DOK7: variants seen among roughly 807,000 people sequenced by gnomAD.
The protein encoded by DOK7 is protein Dok-7.
A neutral mutation model predicts 30.7 loss-of-function variants in DOK7; 32 were observed. The ratio of observed to expected loss-of-function variants is 1.04; its 90% CI spans 0.79 to 1.40. DOK7 has a LOEUF of 1.40. Among genes scored for constraint, DOK7 ranks in the 40% most tolerant of loss-of-function variants. The pLI is 0.00. For synonymous variants in DOK7, 447 were observed against 324.1 expected (o/e 1.38, Z -4.07); for missense variants, 1,007 against 699.2 (o/e 1.44, Z -4.97).
intron 5 of DOK7, among the ~76,000 whole-genome samples, chr4:3,488,013 T>C (rs1160879631): frequency 6.6e-6 from 1 of 152,232 alleles, no homozygotes; most frequent in Non-Finnish European, 1.5e-5. Flanking sequence ...GTGGGCTCCA[T>C]GGCCACCAGC....
At chr4:3,495,330 A>T (rs1728847489), downstream of DOK7, among the ~76,000 whole-genome samples, 1 of 152,150 alleles carries the variant, frequency 6.6e-6, no homozygotes. Flanking sequence ...GCTAGTCTTC[A>T]TCATCCACGC....
At position 3,476,561 on chromosome 4, in the gene DOK7, G is replaced by C. The variant is rs763846570; in HGVS notation, c.532+19G>C. 6.2e-7 allele frequency: 1 copy of C among 1,613,570 alleles called. No homozygotes were observed. The highest frequency in any genetic ancestry group is 2.2e-5 in the East Asian group (1 of 44,872). ...GGGTACTGTAAGTACGGATGTGTGG[G>C]GTCACTGGGCAGCAGCAGCACCCCC... On this transcript the variant is annotated intron_variant, in intron 4 of 6. Transcript: ENST00000340083.
At position 3,492,804 on chromosome 4, in the gene DOK7, T is replaced by C. The variant is rs1345687355; in HGVS notation, c.818T>C (p.Leu273Ser). ...AGCTCATCCTCAGAGGCCAGTCACTTGGACGTCAGCGCCAGCAGCCGGCTC... is the reference window on the plus strand; with the variant it reads ...AGCTCATCCTCAGAGGCCAGTCACTCGGACGTCAGCGCCAGCAGCCGGCTC... ...LSSSSSEASH[L>S]DVSASSRLTA... The change falls in exon 7 of 7, where the codon TTG becomes TCG. Residue 273 changes from leucine to serine, a missense_variant. Physicochemically the swap from Leu to Ser is moderately radical, Grantham distance 145. Coordinates refer to ENST00000340083, the MANE Select transcript of DOK7 (RefSeq NM_173660.5). The C allele has an allele frequency of 1.2e-6, 2 of 1,612,764 alleles. No individual in the cohort carries two copies.
At chr4:3,466,923 G>C (rs1454167995) in intron 2 of DOK7, among the ~76,000 whole-genome samples, 1 of 152,208 alleles carries the variant, frequency 6.6e-6, no homozygotes, top group African/African-American at 2.4e-5. Flanking sequence ...GAATGGGTCC[G>C]GGGCTAGGCA....
At chr4:3,468,878 C>G (rs867717269) in intron 2 of DOK7, among the ~76,000 whole-genome samples, 1 of 125,666 alleles carries the variant, frequency 8.0e-6, no homozygotes, top group African/African-American at 3.3e-5. Flanking sequence ...TGCCTGTGTA[C>G]GAGTGTGCCT....
Position 3,467,662 on chromosome 4 carries a change from G to T in DOK7, c.100+4111G>T, listed in dbSNP as rs868773008. On this transcript the variant is annotated intron_variant, in intron 2 of 6. Coordinates refer to ENST00000340083, the MANE Select transcript of DOK7 (RefSeq NM_173660.5). ...AGCATTTGGGTGAGTGTGTAAGAGT[G>T]AATGTGTGAGTGTGGGCTTGTGTGG... Among the ~76,000 whole-genome samples, 3 of 152,200 alleles carry T rather than the reference G, an allele frequency of 2.0e-5. No individual in the cohort carries two copies. The East Asian group carries it at 5.8e-4, about 29-fold the overall frequency.
chr4:3,479,222 C>T (rs1011429546), intron 4 of DOK7, among the ~76,000 whole-genome samples: 4 of 152,318 alleles, frequency 2.6e-5, no homozygotes, highest in East Asian at 1.9e-4. Flanking sequence ...CCAGTCCCTG[C>T]GCCTGCTGGC....
In DOK7 at chr4:3,463,345, C is replaced by A. The variant is rs572342022; in HGVS notation, c.-31C>A. The A allele has an allele frequency of 1.2e-4, 179 of 1,444,720 alleles. No homozygotes were observed. In the African/African-American group the frequency reaches 2.2e-3, roughly 18 times the overall value. The allele number at this position is 1,444,720 out of a possible 1,614,324, so 89.5% of individuals were successfully genotyped here. Reference sequence around the variant, plus strand: ...GTGACCCTGGGCTGGGGCGCCGGGGCGAGCGCGGCGGCGCGGAACCATGAC... The same window carrying A: ...GTGACCCTGGGCTGGGGCGCCGGGGAGAGCGCGGCGGCGCGGAACCATGAC... On this transcript the variant is annotated 5_prime_UTR_variant, in exon 1 of 7. Coordinates refer to ENST00000340083, the MANE Select transcript of DOK7 (RefSeq NM_173660.5).
In DOK7 at chr4:3,473,396, C is replaced by G; in HGVS notation, c.101-10C>G. The G allele has an allele frequency of 1.9e-6, 3 of 1,610,550 alleles. No individual in the cohort carries two copies. Among genetic ancestry groups the G allele is most frequent in the Non-Finnish European group, 2.5e-6 (3 of 1,179,702 alleles). On this transcript the variant is annotated splice_polypyrimidine_tract_variant and intron_variant, in intron 2 of 6. Transcript: ENST00000340083. ...TTGGCTGGCGTCCCTGACGGCCACG[C>G]TCCTTGCAGACTGCCTGCTGATGCT...
Position 3,493,314 on chromosome 4 carries a change from C to T in DOK7, c.1328C>T (p.Pro443Leu), listed in dbSNP as rs1728659258. Residue 443 changes from proline (P) to leucine (L), a missense_variant, in exon 7 of 7, where the codon CCC becomes CTC. Physicochemically the swap from Pro to Leu is moderately conservative, Grantham distance 98. Coordinates refer to ENST00000340083, the MANE Select transcript of DOK7 (RefSeq NM_173660.5). ...GGCGGCCAGACGTCCGCCGGGTGTC[C>T]CTCTGGCTGGCTGGGCACGAGACGG... ...DSGGQTSAGC[P>L]SGWLGTRRRG... The T allele has an allele frequency of 1.9e-6, 3 of 1,604,860 alleles. No homozygotes were observed. Among genetic ancestry groups the T allele is most frequent in the Admixed American group, 3.4e-5 (2 of 59,204 alleles).
At chr4:3,489,826 G>T in intron 6 of DOK7, 30 bp downstream of exon 6, 1 of 1,561,146 alleles carries the variant, frequency 6.4e-7, no homozygotes, top group Non-Finnish European at 8.7e-7. Context: ...TGGGCTGTGG[G>T]ACCTCGGCTA....
At chr4:3,496,214 G>A (rs1728902603), downstream of DOK7, among the ~76,000 whole-genome samples, 1 of 152,250 alleles carries the variant, frequency 6.6e-6, no homozygotes, top group African/African-American at 2.4e-5. Context: ...CCAGGGACTT[G>A]GGGCACCCCG....
chr4:3,473,705 G>A, intron 3 of DOK7, 69 bp downstream of exon 3: 1 of 1,406,912 alleles, frequency 7.1e-7, no homozygotes, highest in East Asian at 2.5e-5. Flanking sequence ...TCACCAACGT[G>A]GGCTGCAGAG....
chr4:3,493,820 T>G lies in DOK7; in HGVS notation c.*319T>G. On this transcript the variant is annotated 3_prime_UTR_variant, in exon 7 of 7. Coordinates refer to ENST00000340083, the MANE Select transcript of DOK7 (RefSeq NM_173660.5). ...TGCTGCACCTCTGTTGGCTCGTGCC[T>G]TGCACTGGGGTGCCAAGGGCTGGAG... The G allele has an allele frequency of 8.0e-7, 1 of 1,247,080 alleles. No individual in the cohort carries two copies. The highest frequency in any genetic ancestry group is 1.0e-6 in the Non-Finnish European group (1 of 993,060). 77.3% of individuals were successfully genotyped at this position (1,247,080 alleles called of 1,614,324 possible). A position where few individuals can be genotyped will look rare whatever the true frequency, so the allele number is the denominator to read the frequency against.
Position 3,485,431 on chromosome 4 carries a change from C to G in DOK7, c.533-108C>G, listed in dbSNP as rs1298673414. Reference sequence around the variant, plus strand: ...GACTTCGTGGGGCCAGGCAGGGTGTCATTGTCGGCTCTTGGTGGAGTTTGC... The same window carrying G: ...GACTTCGTGGGGCCAGGCAGGGTGTGATTGTCGGCTCTTGGTGGAGTTTGC... On this transcript the variant is annotated intron_variant, in intron 4 of 6. Coordinates refer to ENST00000340083, the MANE Select transcript of DOK7 (RefSeq NM_173660.5). 3.7e-6 allele frequency: 5 copies of G among 1,357,904 alleles called. No homozygotes were observed. The African/African-American group carries it at 6.0e-5, about 16-fold the overall frequency. 84.1% of individuals were successfully genotyped at this position (1,357,904 alleles called of 1,614,324 possible). A position where few individuals can be genotyped will look rare whatever the true frequency, so the allele number is the denominator to read the frequency against.
chr4:3,465,861 C>T (rs1055428740), intron 2 of DOK7, among the ~76,000 whole-genome samples: 2 of 152,214 alleles, frequency 1.3e-5, no homozygotes, highest in Non-Finnish European at 2.9e-5. Context: ...CCAGTTGTGG[C>T]CCAGGACTCA....
chr4:3,488,593 C>A (rs553164637), intron 5 of DOK7, among the ~76,000 whole-genome samples: 2 of 152,338 alleles, frequency 1.3e-5, no homozygotes, highest in South Asian at 4.1e-4. Context: ...ACCTTCTGGT[C>A]CTCTGTGCGC....
intron 2 of DOK7, among the ~76,000 whole-genome samples, chr4:3,465,877 G>A (rs917492666): frequency 1.3e-5 from 2 of 152,214 alleles, no homozygotes; most frequent in Admixed American, 1.3e-4. Context: ...ACTCACTGCT[G>A]GTGGCCCTGC....
rs917306338 is a variant in DOK7, at chr4:3,494,413, C to T, written c.*912C>T. ...GCTCCCTGTGAACACCTCTTTGTCC[C>T]TTCACTGTCAGCTGTTTCTAAACCC... On this transcript the variant is annotated 3_prime_UTR_variant, in exon 7 of 7. Transcript: ENST00000340083. 114 of 985,708 alleles carry T rather than the reference C, an allele frequency of 1.2e-4. No individual in the cohort carries two copies. Among genetic ancestry groups the T allele is most frequent in the Non-Finnish European group, 1.3e-4 (109 of 830,208 alleles). 61.1% of individuals were successfully genotyped at this position (985,708 alleles called of 1,614,324 possible).
Sources: gnomAD v4.1 joint callset for allele counts (sites outside exome capture counted in the v4.1 genomes callset) on GRCh38, gnomAD v4.1.1 for gene constraint, MANE v1.5 for transcripts, NCBI Gene and HGNC (gene_info 2026-07-23, HGNC 2026-07-21) for gene names.